The following SLURP2 variants were observed in gnomAD, a reference collection of about 807,000 sequenced individuals.
SLURP2 encodes secreted LY6/PLAUR domain containing 2.
In SLURP2, 4 loss-of-function variants were observed where a neutral mutation model predicts 9.8. That is an observed-to-expected ratio of 0.41 (90% CI 0.20 to 0.94). The LOEUF (loss-of-function observed/expected upper bound fraction) is 0.94, where lower values mean the gene tolerates loss of function less well. Ranked by LOEUF, SLURP2 falls within the 40% of genes least tolerant of loss-of-function variation. The pLI is 0.32. For missense variants in SLURP2, 118 were observed against 126.4 expected (o/e 0.93, Z 0.32); for synonymous variants, 58 against 56.2 (o/e 1.03, Z -0.15).
chr8:142,764,649 C>A lies in SLURP2; in HGVS notation c.250G>T (p.Val84Leu). 1 of 1,609,920 alleles carries A rather than the reference C, an allele frequency of 6.2e-7. No individual in the cohort carries two copies. Among genetic ancestry groups the A allele is most frequent in the Non-Finnish European group, 8.5e-7 (1 of 1,178,742 alleles). The change falls in exon 3 of 3, where the codon GTA becomes TTA. Residue 84 changes from valine to leucine, a missense_variant. Val to Leu is a conservative substitution (Grantham distance 32, BLOSUM62 1). Transcript: ENST00000317543. ...DIPSLGLGPY[V>L]SIACCQTSLC... ...CTGGTCTGGCAGCAAGCGATGGATA[C>A]GTAGGGGCCCAGGCCCAGGCTGGGG...
Position 142,768,569 on chromosome 8 carries a change from G to A in SLURP2, c.52+1186C>T, listed in dbSNP as rs995434423. Among the ~76,000 whole-genome samples the A allele has an allele frequency of 2.0e-5, 3 of 152,120 alleles. No homozygotes were observed. In the South Asian group the frequency reaches 6.2e-4, roughly 32 times the overall value. Reference sequence around the variant, plus strand: ...GCAGGGAAGGGCCTCTGGGTCAGAGGGGAGTCCGTGGGCACCGGGCACCCA... The same window carrying A: ...GCAGGGAAGGGCCTCTGGGTCAGAGAGGAGTCCGTGGGCACCGGGCACCCA... On this transcript the variant is annotated intron_variant, in intron 1 of 2. Transcript: ENST00000317543. This position sits in a 1 kb window ranked among gnomAD's most constrained non-coding sequence, Gnocchi z 4.8.
rs887065674 is a variant in SLURP2, at chr8:142,768,857, G to C, written c.52+898C>G. Among the ~76,000 whole-genome samples the C allele has an allele frequency of 6.6e-6, 1 of 152,116 alleles. No individual in the cohort carries two copies. The highest frequency in any genetic ancestry group is 1.5e-5 in the Non-Finnish European group (1 of 68,010). ...AAGAGACACCTGAGCCAGCGCCAGG[G>C]ACTCACCGACGCTCCACCCCCTGCT... On this transcript the variant is annotated intron_variant, in intron 1 of 2. Transcript: ENST00000317543. The surrounding 1 kb of genome is among the most constrained non-coding windows in gnomAD (Gnocchi z 4.8).
At chr8:142,769,650 G>A in intron 1 of SLURP2, 105 bp downstream of exon 1, 5 of 991,854 alleles carry the variant, frequency 5.0e-6, no homozygotes, top group South Asian at 4.4e-5. Flanking sequence ...GGACAGGAAT[G>A]GGTTCTCCCG....
rs1815079164 is a variant in SLURP2 at position 142,768,697 on chromosome 8, C to T, written c.52+1058G>A. On this transcript the variant is annotated intron_variant, in intron 1 of 2. Coordinates refer to ENST00000317543, the MANE Select transcript of SLURP2 (RefSeq NM_177458.3). This position sits in a 1 kb window ranked among gnomAD's most constrained non-coding sequence, Gnocchi z 4.8. ...GCCTTCTCCAGGTTAAGTCGAGTCC[C>T]CAGGCCCCTGTGTGTCTCGGACCTT... is the stretch of plus-strand genomic sequence containing the variant. Among the ~76,000 whole-genome samples the T allele has an allele frequency of 6.6e-6, 1 of 152,146 alleles. No individual in the cohort carries two copies. Among genetic ancestry groups the T allele is most frequent in the African/African-American group, 2.4e-5 (1 of 41,436 alleles).
Position 142,768,165 on chromosome 8 carries a change from GGGA to G in SLURP2, c.52+1587_52+1589del. ...GGGGAGAAGAGGAGAGAGGAAGGGA[GGGA>G]GGAGGAGAGGAAGGAAGGAAGGGAA... On this transcript the variant is annotated intron_variant, in intron 1 of 2. Coordinates refer to ENST00000317543, the MANE Select transcript of SLURP2 (RefSeq NM_177458.3). The surrounding 1 kb of genome is among the most constrained non-coding windows in gnomAD (Gnocchi z 4.8). Among the ~76,000 whole-genome samples, 1 of 147,926 alleles carries G rather than the reference GGGA, an allele frequency of 6.8e-6. No homozygotes were observed.
chr8:142,764,505 TGG>T lies in SLURP2; in HGVS notation c.*98_*99del. 1 of 1,236,610 alleles carries T rather than the reference TGG, an allele frequency of 8.1e-7. No homozygotes were observed. Among genetic ancestry groups the T allele is most frequent in the Non-Finnish European group, 1.2e-6 (1 of 868,398 alleles). The allele number at this position is 1,236,610 out of a possible 1,614,324, so 76.6% of individuals were successfully genotyped here. Reference sequence around the variant, plus strand: ...CGGTGGCTGCAGAGGCCGGGAGAGGTGGGCTGGCCAGTCTCGAGGGAGGGGCA... The same window carrying T: ...CGGTGGCTGCAGAGGCCGGGAGAGGTGCTGGCCAGTCTCGAGGGAGGGGCA... On this transcript the variant is annotated 3_prime_UTR_variant, in exon 3 of 3. Coordinates refer to ENST00000317543, the MANE Select transcript of SLURP2 (RefSeq NM_177458.3).
At chr8:142,765,506 C>CTT (rs1814974952) in intron 1 of SLURP2, among the ~76,000 whole-genome samples, 1 of 152,158 alleles carries the variant, frequency 6.6e-6, no homozygotes, top group Non-Finnish European at 1.5e-5. Flanking sequence ...CTGAGACACG[C>CTT]TTTCTGGCCA....
chr8:142,765,974 CAAAA>C (rs1563833346), intron 1 of SLURP2, among the ~76,000 whole-genome samples: 10 of 73,526 alleles, frequency 1.4e-4, no homozygotes, highest in Non-Finnish European at 3.3e-4. Context: ...AAAAAAAAAA[CAAAA>C]AACAAAAAAC....
chr8:142,765,172 G>T (rs755813806), intron 1 of SLURP2, 32 bp from the exon 2 acceptor site: 3 of 1,568,936 alleles, frequency 1.9e-6, no homozygotes, highest in Non-Finnish European at 1.7e-6. Flanking sequence ...GGACACAAAC[G>T]GATGGGAGGC....
In SLURP2 at chr8:142,769,780, C is replaced by T; in HGVS notation, c.27G>A (p.Leu9=). 7 of 1,601,670 alleles carry T rather than the reference C, an allele frequency of 4.4e-6. No individual in the cohort carries two copies. Among genetic ancestry groups the T allele is most frequent in the African/African-American group, 1.3e-5 (1 of 74,942 alleles). MQLGTGLL[L]AAVLSLQLAA... is the part of the protein sequence containing the mutation. ...CCAGCTGCAGGCTCAGGACGGCGGC[C>T]AGCAGGAGCCCAGTGCCGAGCTGCA... is the stretch of plus-strand genomic sequence containing the variant. Residue 9 remains leucine, a synonymous_variant, in exon 1 of 3, where the codon CTG becomes CTA. Coordinates refer to ENST00000317543, the MANE Select transcript of SLURP2 (RefSeq NM_177458.3).
intron 1 of SLURP2, 60 bp downstream of exon 1, chr8:142,769,695 G>C: frequency 1.3e-6 from 2 of 1,487,792 alleles, no homozygotes; most frequent in Middle Eastern, 1.8e-4. Context: ...TGGAGGGACG[G>C]TGGTTGGGCT....
In SLURP2 at chr8:142,764,390, G is replaced by C; in HGVS notation, c.*215C>G. 1.5e-6 allele frequency: 1 copy of C among 667,554 alleles called. No individual in the cohort carries two copies. Among genetic ancestry groups the C allele is most frequent in the Non-Finnish European group, 2.7e-6 (1 of 375,390 alleles). The allele number at this position is 667,554 out of a possible 1,614,324, so 41.4% of individuals were successfully genotyped here. A position where few individuals can be genotyped will look rare whatever the true frequency, so the allele number is the denominator to read the frequency against. On this transcript the variant is annotated 3_prime_UTR_variant, in exon 3 of 3. Coordinates refer to ENST00000317543, the MANE Select transcript of SLURP2 (RefSeq NM_177458.3). The stretch of plus-strand genomic sequence containing the variant: ...ATTGTGGGGAGGTCGGGACCTGAAG[G>C]GGCGGCAGGCACGATGGGCCCCAGG...
intron 1 of SLURP2, 94 bp from the exon 2 acceptor site, chr8:142,765,234 GC>G: frequency 1.1e-6 from 1 of 946,298 alleles, no homozygotes. Flanking sequence ...CCACCCAGCA[GC>G]CCATGCTCCT....
intron 2 of SLURP2, 136 bp downstream of exon 2, chr8:142,764,900 T>C: frequency 8.9e-7 from 1 of 1,121,894 alleles, no homozygotes; most frequent in Non-Finnish European, 1.3e-6. Flanking sequence ...TACCCTTCCC[T>C]GGGCATCACT....
At chr8:142,764,791 C>T (rs1429134158) in intron 2 of SLURP2, 50 bp from the exon 3 acceptor site, 1 of 1,601,798 alleles carries the variant, frequency 6.2e-7, no homozygotes, top group Admixed American at 1.8e-5. Context: ...TCTGGTTTGC[C>T]CAGACCCTGC....
At position 142,769,693 on chromosome 8, in the gene SLURP2, C is replaced by T. The variant is rs185364066; in HGVS notation, c.52+62G>A. 2,640 of 1,476,202 alleles carry T rather than the reference C, an allele frequency of 1.8e-3. 32 individuals are homozygous for T. The Admixed American group carries it at 0.023, about 13-fold the overall frequency. 91.4% of individuals were successfully genotyped at this position (1,476,202 alleles called of 1,614,324 possible). ...CAGTCACAGCCCAGGGCTGGAGGGACGGTGGTTGGGCTAGAGTGATGGGGG... is the reference window on the plus strand; with the variant it reads ...CAGTCACAGCCCAGGGCTGGAGGGATGGTGGTTGGGCTAGAGTGATGGGGG... On this transcript the variant is annotated intron_variant, in intron 1 of 2. Transcript: ENST00000317543.
chr8:142,769,633 G>A lies in SLURP2; in HGVS notation c.52+122C>T, dbSNP rs587702985. 1.4e-5 allele frequency: 12 copies of A among 835,318 alleles called. No homozygotes were observed. The East Asian group carries it at 2.8e-4, about 19-fold the overall frequency. 51.7% of individuals were successfully genotyped at this position (835,318 alleles called of 1,614,324 possible). A position where few individuals can be genotyped will look rare whatever the true frequency, so the allele number is the denominator to read the frequency against. On this transcript the variant is annotated intron_variant, in intron 1 of 2. Transcript: ENST00000317543. ...CGGAGGAAAGCTGCACCTGGTAGAT[G>A]GTGGGGGGACAGGAATGGGTTCTCC... is the stretch of plus-strand genomic sequence containing the variant.
intron 1 of SLURP2, among the ~76,000 whole-genome samples, chr8:142,765,967 A>AAAAAAAAC (rs1554645215): frequency 1.5e-5 from 2 of 135,868 alleles, no homozygotes; most frequent in East Asian, 4.1e-4. Context: ...CACCTCAAAA[A>AAAAAAAAC]AAAAAACAAA....
Position 142,764,348 on chromosome 8 carries a change from C to A in SLURP2, c.*257G>T, listed in dbSNP as rs1463261675. On this transcript the variant is annotated 3_prime_UTR_variant, in exon 3 of 3. Coordinates refer to ENST00000317543, the MANE Select transcript of SLURP2 (RefSeq NM_177458.3). ...CTCTCACTGCATAGCTTGTACCACA[C>A]GATCCAATCACATTTTATTGTGGGG... The A allele has an allele frequency of 1.6e-6, 1 of 619,292 alleles. No individual in the cohort carries two copies. Among genetic ancestry groups the A allele is most frequent in the Non-Finnish European group, 2.9e-6 (1 of 346,462 alleles). The allele number at this position is 619,292 out of a possible 1,614,324, so 38.4% of individuals were successfully genotyped here. A position where few individuals can be genotyped will look rare whatever the true frequency, so the allele number is the denominator to read the frequency against.
Sources: gnomAD v4.1 joint callset for allele counts (sites outside exome capture counted in the v4.1 genomes callset) on GRCh38, gnomAD v4.1.1 for gene constraint, Gnocchi (gnomAD v3.1) non-coding constraint, MANE v1.5 for transcripts, NCBI Gene and HGNC (gene_info 2026-07-23, HGNC 2026-07-21) for gene names.